GRM1: variants seen among roughly 807,000 people sequenced by gnomAD.
The protein encoded by GRM1 is glutamate metabotropic receptor 1.
A neutral mutation model predicts 90.9 loss-of-function variants in GRM1; 33 were observed. That is an observed-to-expected ratio of 0.36 (90% CI 0.28 to 0.49). The LOEUF is 0.49. Among genes scored for constraint, GRM1 ranks in the 20% least tolerant of loss-of-function variants. The probability of loss-of-function intolerance (pLI) is 0.99; values close to 1 mark genes in which losing one functional copy is unlikely to be tolerated. For synonymous variants in GRM1, 700 were observed against 613.2 expected, an observed-to-expected ratio of 1.14 and a Z score of -2.09; for missense variants, 1,190 against 1,534.3, an observed-to-expected ratio of 0.78 and a Z score of 3.75.
chr6:146,276,589 GA>G (rs551964547), intron 2 of GRM1, among the ~76,000 whole-genome samples: 267 of 151,380 alleles, frequency 1.8e-3, no homozygotes, highest in African/African-American at 6.0e-3. Flanking sequence ...TAGAGACAAA[GA>G]AAAAAAATTA....
At chr6:146,180,616 G>A (rs530430079) in intron 2 of GRM1, among the ~76,000 whole-genome samples, 38 of 151,910 alleles carry the variant, frequency 2.5e-4, no homozygotes, top group African/African-American at 8.4e-4. Flanking sequence ...TGTCATATAG[G>A]TTTTGCAACC....
chr6:146,141,954 G>T (rs150050950), intron 1 of GRM1, among the ~76,000 whole-genome samples: 1 of 152,148 alleles, frequency 6.6e-6, no homozygotes, highest in Non-Finnish European at 1.5e-5. Flanking sequence ...GTGGAATTTT[G>T]TTGGTGGCTG....
intron 6 of GRM1, among the ~76,000 whole-genome samples, chr6:146,390,291 G>GT (rs963644013): frequency 7.3e-5 from 11 of 151,112 alleles, no homozygotes; most frequent in African/African-American, 1.7e-4. Flanking sequence ...TTAAAATGTG[G>GT]TTTTTTTTGG....
At chr6:146,041,555 AGAG>A (rs1791105794) in intron 1 of GRM1, among the ~76,000 whole-genome samples, 1 of 151,948 alleles carries the variant, frequency 6.6e-6, no homozygotes, top group Non-Finnish European at 1.5e-5. Context: ...GGGGTCTCCA[AGAG>A]AATTTCTCTG....
chr6:146,239,857 C>T (rs934715563), intron 2 of GRM1, among the ~76,000 whole-genome samples: 1 of 151,898 alleles, frequency 6.6e-6, no homozygotes, highest in Non-Finnish European at 1.5e-5. Context: ...ATTCAGGAAC[C>T]GAATTATCAC....
chr6:146,270,893 CTTTCTTTCTTTCTTT>C (rs1782114449), intron 2 of GRM1, among the ~76,000 whole-genome samples: 15 of 111,126 alleles, frequency 1.3e-4, no homozygotes, highest in African/African-American at 6.1e-4. Flanking sequence ...TTCTTTCTTT[CTTTCTTTCTTTCTTT>C]CTTTCTTCCT....
intron 1 of GRM1, among the ~76,000 whole-genome samples, chr6:146,109,174 A>T (rs1022092139): frequency 7.9e-5 from 12 of 152,274 alleles, no homozygotes; most frequent in African/African-American, 2.9e-4. Context: ...GACAATGGGG[A>T]AAATGTCTCC....
intron 1 of GRM1, among the ~76,000 whole-genome samples, chr6:146,038,512 C>A (rs1446375479): frequency 6.6e-6 from 1 of 151,970 alleles, no homozygotes; most frequent in African/African-American, 2.4e-5. Context: ...GCTATTCTAA[C>A]CTTAATTAGG....
At chr6:146,355,203 C>A (rs922506812) in intron 4 of GRM1, among the ~76,000 whole-genome samples, 31 of 152,166 alleles carry the variant, frequency 2.0e-4, no homozygotes, top group African/African-American at 7.2e-4. Flanking sequence ...GCACTCACAA[C>A]AGCACAACAG....
chr6:146,309,742 TCA>T (rs780220697), intron 3 of GRM1, among the ~76,000 whole-genome samples: 5 of 152,216 alleles, frequency 3.3e-5, no homozygotes, highest in Admixed American at 6.5e-5. Context: ...CACAGATTTT[TCA>T]CAGTTGTTGT....
chr6:146,164,920 C>A (rs9322049), intron 2 of GRM1, among the ~76,000 whole-genome samples: 37,682 of 151,806 alleles, frequency 0.25, 8,170 homozygotes, highest in African/African-American at 0.59. Flanking sequence ...TTACTGGATT[C>A]TGACTACATC....
At chr6:146,257,553 A>C (rs1385453361) in intron 2 of GRM1, among the ~76,000 whole-genome samples, 2 of 130,236 alleles carry the variant, frequency 1.5e-5, no homozygotes, top group Non-Finnish European at 3.0e-5. Flanking sequence ...ATGTGTGTAC[A>C]TATATATATT....
intron 2 of GRM1, among the ~76,000 whole-genome samples, chr6:146,170,812 A>G (rs1778091274): frequency 6.6e-6 from 1 of 151,508 alleles, no homozygotes; most frequent in South Asian, 2.1e-4. Context: ...TTTTTTTTGC[A>G]TGTATGTGAG....
Position 146,434,978 on chromosome 6 carries a change from A to G in GRM1, c.*182A>G, listed in dbSNP as rs1289272289. The G allele has an allele frequency of 3.2e-6, 2 of 620,038 alleles. No homozygotes were observed. Among genetic ancestry groups the G allele is most frequent in the Non-Finnish European group, 5.7e-6 (2 of 351,552 alleles). The allele number at this position is 620,038 out of a possible 1,614,324, so 38.4% of individuals were successfully genotyped here. ...AAGTAGGAAGAGAGGGAAGGACACC[A>G]AGCAAAAAATGTTCCAGGCCAGGAT... On this transcript the variant is annotated 3_prime_UTR_variant, in exon 8 of 8. Coordinates refer to ENST00000282753, the MANE Select transcript of GRM1 (RefSeq NM_001278064.2).
At chr6:146,348,960 G>A (rs922473707) in intron 3 of GRM1, among the ~76,000 whole-genome samples, 17 of 152,260 alleles carry the variant, frequency 1.1e-4, no homozygotes, top group Middle Eastern at 6.8e-3. Context: ...GTAAAATAGT[G>A]AGACTAATGT....
intron 2 of GRM1, among the ~76,000 whole-genome samples, chr6:146,238,111 C>T (rs1050683187): frequency 5.9e-5 from 9 of 152,050 alleles, no homozygotes; most frequent in African/African-American, 2.2e-4. Context: ...AAGTTAGATC[C>T]AATCTGTCTG....
At chr6:146,324,402 A>G (rs1254499075) in intron 3 of GRM1, among the ~76,000 whole-genome samples, 1 of 152,144 alleles carries the variant, frequency 6.6e-6, no homozygotes, top group African/African-American at 2.4e-5. Flanking sequence ...GGGAGTGAAC[A>G]GTTCTCTCTC....
At chr6:146,302,326 C>T (rs1783418229) in intron 2 of GRM1, among the ~76,000 whole-genome samples, 1 of 148,952 alleles carries the variant, frequency 6.7e-6, no homozygotes. Flanking sequence ...GTCATATCTG[C>T]ACACTAGATT....
intron 3 of GRM1, among the ~76,000 whole-genome samples, chr6:146,330,813 T>C (rs1258411097): frequency 6.6e-6 from 1 of 152,214 alleles, no homozygotes; most frequent in Non-Finnish European, 1.5e-5. Context: ...TATATACTAT[T>C]ACATCATAAT....
Sources: gnomAD v4.1 joint callset for allele counts (sites outside exome capture counted in the v4.1 genomes callset) on GRCh38, gnomAD v4.1.1 for gene constraint, MANE v1.5 for transcripts, NCBI Gene and HGNC (gene_info 2026-07-23, HGNC 2026-07-21) for gene names.